SPTBN1: variants seen among roughly 807,000 people sequenced by gnomAD.
SPTBN1 encodes spectrin beta, non-erythrocytic 1, also known as spectrin beta chain, non-erythrocytic 1.
In SPTBN1, 32 loss-of-function variants were observed where a neutral mutation model predicts 266.4. That is an observed-to-expected ratio of 0.12 (90% CI 0.09 to 0.16). SPTBN1 has a LOEUF of 0.16. Ranked by LOEUF, SPTBN1 falls within the 10% of genes least tolerant of loss-of-function variation. The probability of loss-of-function intolerance (pLI) is 1.00; values close to 1 mark genes in which losing one functional copy is unlikely to be tolerated. For missense variants in SPTBN1, 2,296 were observed against 3,067.1 expected, an observed-to-expected ratio of 0.75 and a Z score of 5.94; for synonymous variants, 1,336 against 1,162.2, an observed-to-expected ratio of 1.15 and a Z score of -3.04.
At chr2:54,523,683 GGTTT>G (rs1401434574) in intron 1 of SPTBN1, among the ~76,000 whole-genome samples, 1 of 152,164 alleles carries the variant, frequency 6.6e-6, no homozygotes, top group African/African-American at 2.4e-5. Flanking sequence ...TACATATATG[GGTTT>G]GTTTATTTTT....
chr2:54,469,135 T>G (rs1268349458), intron 1 of SPTBN1, among the ~76,000 whole-genome samples: 2 of 152,218 alleles, frequency 1.3e-5, no homozygotes. Context: ...GGACATCAGA[T>G]GGATGGAGGT....
chr2:54,635,036 C>A (rs541531082), intron 17 of SPTBN1, among the ~76,000 whole-genome samples: 150 of 152,310 alleles, frequency 9.8e-4, no homozygotes, highest in Non-Finnish European at 1.9e-3. Context: ...TCAGAAGTTA[C>A]CCAGCTGTTT....
chr2:54,631,352 C>A lies in SPTBN1; in HGVS notation c.3305C>A (p.Thr1102Lys). 4.3e-6 allele frequency: 7 copies of A among 1,614,250 alleles called. No individual in the cohort carries two copies. The highest frequency in any genetic ancestry group is 5.1e-6 in the Non-Finnish European group (6 of 1,180,046). ...CTGACCGAGGCTGAGAAGCTGCTCACGCAGCACGAGAACATCAAGAACGAG... is the reference window on the plus strand; with the variant it reads ...CTGACCGAGGCTGAGAAGCTGCTCAAGCAGCACGAGAACATCAAGAACGAG... ...NTLTEAEKLL[T>K]QHENIKNEID... Residue 1102 changes from threonine to lysine, a missense_variant, in exon 16 of 36, where the codon ACG (threonine) becomes AAG (lysine). Transcript: ENST00000356805.
chr2:54,533,275 AT>A lies in SPTBN1; in HGVS notation c.148+6712del, dbSNP rs1488147213. Among the ~76,000 whole-genome samples, 3 of 151,482 alleles carry A rather than the reference AT, an allele frequency of 2.0e-5. No homozygotes were observed. Among genetic ancestry groups the A allele is most frequent in the Admixed American group, 2.0e-4 (3 of 15,206 alleles). ...GAATTGCCTATTTCTTCAGTTTTTC[AT>A]TTCATATTTCCAGACCATGGTTGAC... On this transcript the variant is annotated intron_variant, in intron 2 of 35. Coordinates refer to ENST00000356805, the MANE Select transcript of SPTBN1 (RefSeq NM_003128.3). This position sits in a 1 kb window ranked among gnomAD's most constrained non-coding sequence, Gnocchi z 4.2.
intron 32 of SPTBN1, chr2:54,660,993 A>G: frequency 1.0e-6 from 1 of 985,420 alleles, no homozygotes; most frequent in Non-Finnish European, 1.2e-6. Context: ...ATTGTGGTTC[A>G]TCCTGATTAC....
Position 54,485,880 on chromosome 2 carries a change from G to A in SPTBN1, c.-48+29362G>A, listed in dbSNP as rs566389302. 4.2e-4 allele frequency among the ~76,000 whole-genome samples: 60 copies of A among 142,094 alleles called. 2 individuals are homozygous for A. The East Asian group carries it at 0.012, about 28-fold the overall frequency. 93.2% of individuals were successfully genotyped at this position (142,094 alleles called of 152,430 possible). On this transcript the variant is annotated intron_variant, in intron 1 of 35. Coordinates refer to ENST00000356805, the MANE Select transcript of SPTBN1 (RefSeq NM_003128.3). ...ATGTGAGGAGCGCCTCTGCCCGGCC[G>A]CGACCCGTCTGGGAGGTGAGGAGCG...
chr2:54,562,872 A>T (rs1013138504), intron 2 of SPTBN1, among the ~76,000 whole-genome samples: 7 of 152,002 alleles, frequency 4.6e-5, no homozygotes, highest in Admixed American at 3.9e-4. Context: ...AATGCTTACC[A>T]TTTTTAAATA....
chr2:54,600,073 T>C (rs1345297644), intron 3 of SPTBN1, among the ~76,000 whole-genome samples: 2 of 152,192 alleles, frequency 1.3e-5, no homozygotes, highest in African/African-American at 2.4e-5. Flanking sequence ...GAAAATATGA[T>C]GCTGGCAGTT....
chr2:54,668,216 G>A (rs1447920397), intron 35 of SPTBN1, 135 bp from the exon 36 acceptor site: 4 of 742,154 alleles, frequency 5.4e-6, no homozygotes, highest in Non-Finnish European at 9.1e-6. Context: ...AGGCAGAGGT[G>A]CATTTGGGGA....
chr2:54,659,340 AG>A, intron 31 of SPTBN1, 74 bp downstream of exon 31: 1 of 1,441,206 alleles, frequency 6.9e-7, no homozygotes, highest in East Asian at 2.3e-5. Context: ...ATCTTTCTGA[AG>A]CCTTGCATTG....
At chr2:54,483,946 G>T (rs963375962) in intron 1 of SPTBN1, among the ~76,000 whole-genome samples, 1 of 152,158 alleles carries the variant, frequency 6.6e-6, no homozygotes, top group Non-Finnish European at 1.5e-5. Flanking sequence ...TGTAATTCTA[G>T]CACTTTGGGG....
chr2:54,608,000 C>T (rs1003402167), intron 3 of SPTBN1, among the ~76,000 whole-genome samples: 1 of 152,178 alleles, frequency 6.6e-6, no homozygotes, highest in African/African-American at 2.4e-5. Flanking sequence ...ATCTTAACTA[C>T]CCAGGGGAAG....
rs1325882190 is a variant in SPTBN1, at chr2:54,558,398, T to C, written c.148+31832T>C. ...CGCCGCGGGCAGCTGGGAGGAGGTG[T>C]GCGCGCTGCGCCCGCGAGCTCCCGG... On this transcript the variant is annotated intron_variant, in intron 2 of 35. Transcript: ENST00000356805. The surrounding 1 kb of genome is among the most constrained non-coding windows in gnomAD (Gnocchi z 4.6). 24 of 1,013,568 alleles carry C rather than the reference T, an allele frequency of 2.4e-5. No individual in the cohort carries two copies. Among genetic ancestry groups the C allele is most frequent in the Non-Finnish European group, 2.8e-5 (24 of 848,214 alleles). The allele number at this position is 1,013,568 out of a possible 1,614,324, so 62.8% of individuals were successfully genotyped here.
intron 1 of SPTBN1, among the ~76,000 whole-genome samples, chr2:54,509,507 A>G (rs1440422212): frequency 2.0e-5 from 3 of 152,254 alleles, no homozygotes; most frequent in Non-Finnish European, 4.4e-5. Flanking sequence ...GCACGGGGAC[A>G]TGATGGCCAG....
rs1671364549 is a variant in SPTBN1 at position 54,533,248 on chromosome 2, A to G, written c.148+6682A>G. On this transcript the variant is annotated intron_variant, in intron 2 of 35. Coordinates refer to ENST00000356805, the MANE Select transcript of SPTBN1 (RefSeq NM_003128.3). The surrounding 1 kb of genome is among the most constrained non-coding windows in gnomAD (Gnocchi z 4.2). ...CAGGATGGCATGCAATTTAAAACGT[A>G]TGAATTGCCTATTTCTTCAGTTTTT... is the stretch of plus-strand genomic sequence containing the variant. 6.6e-6 allele frequency among the ~76,000 whole-genome samples: 1 copy of G among 152,126 alleles called. No individual in the cohort carries two copies. The highest frequency in any genetic ancestry group is 6.5e-5 in the Admixed American group (1 of 15,290).
At position 54,622,302 on chromosome 2, in the gene SPTBN1, G is replaced by C; in HGVS notation, c.879G>C (p.Val293=). ...ATTTTTCTATCCCTTGTTGCCAGGTGCTTGACAATGCTATTGAAACAGAAA... is the reference window on the plus strand; with the variant it reads ...ATTTTTCTATCCCTTGTTGCCAGGTCCTTGACAATGCTATTGAAACAGAAA... ...LAVEGKRIGK[V]LDNAIETEKM... The change falls in exon 9 of 36, where the codon GTG becomes GTC. Residue 293 remains valine (V), a splice_region_variant and synonymous_variant. Transcript: ENST00000356805. The C allele has an allele frequency of 1.2e-6, 2 of 1,613,954 alleles. No individual in the cohort carries two copies. Among genetic ancestry groups the C allele is most frequent in the Middle Eastern group, 1.7e-4 (1 of 6,058 alleles).
chr2:54,555,083 C>T (rs1243874080), intron 2 of SPTBN1, among the ~76,000 whole-genome samples: 1 of 152,110 alleles, frequency 6.6e-6, no homozygotes, highest in Admixed American at 6.5e-5. Flanking sequence ...ACCCTCTTTC[C>T]TCTTTGAGTC....
intron 1 of SPTBN1, among the ~76,000 whole-genome samples, chr2:54,488,463 G>A (rs1403955976): frequency 2.0e-5 from 3 of 151,922 alleles, no homozygotes; most frequent in South Asian, 4.2e-4. Flanking sequence ...TTTTATTTTT[G>A]GCAGTGTGTT....
intron 2 of SPTBN1, among the ~76,000 whole-genome samples, chr2:54,556,063 G>T (rs967618610): frequency 6.6e-6 from 1 of 152,218 alleles, no homozygotes; most frequent in Non-Finnish European, 1.5e-5. Flanking sequence ...ACCTGGCAGT[G>T]TGCCTTGCAC....
Sources: allele counts gnomAD v4.1 joint callset (sites outside exome capture counted in the v4.1 genomes callset), GRCh38; gene constraint gnomAD v4.1.1; non-coding constraint Gnocchi (gnomAD v3.1); transcripts MANE v1.5; gene names NCBI Gene and HGNC (gene_info 2026-07-23, HGNC 2026-07-21).